The following ELOVL6 variants were observed in gnomAD, a reference collection of about 807,000 sequenced individuals.
ELOVL6 encodes the protein very long chain fatty acid elongase 6.
ELOVL6 carries 8 observed loss-of-function variants against 31.7 expected under a neutral mutation model. The observed-to-expected ratio is 0.25, with a 90% CI of 0.15 to 0.45. The LOEUF (loss-of-function observed/expected upper bound fraction) is 0.45. Among genes scored for constraint, ELOVL6 ranks in the 20% least tolerant of loss-of-function variants. ELOVL6 has a pLI of 1.00. For synonymous variants in ELOVL6, 101 were observed against 117.7 expected, an observed-to-expected ratio of 0.86 and a Z score of 0.92; for missense variants, 126 against 326.4, an observed-to-expected ratio of 0.39 and a Z score of 4.73.
chr4:110,148,839 G>A (rs1394051743), intron 1 of ELOVL6, among the ~76,000 whole-genome samples: 2 of 152,102 alleles, frequency 1.3e-5, no homozygotes, highest in African/African-American at 4.8e-5. Flanking sequence ...GGATGCAGAG[G>A]AAAGTGAACG....
At chr4:110,130,683 G>T (rs1025264288) in intron 1 of ELOVL6, among the ~76,000 whole-genome samples, 1 of 152,124 alleles carries the variant, frequency 6.6e-6, no homozygotes, top group Non-Finnish European at 1.5e-5. Flanking sequence ...TCATCCATCC[G>T]GCCAAGGATT....
At chr4:110,059,048 G>T (rs1755070924) in intron 3 of ELOVL6, among the ~76,000 whole-genome samples, 1 of 152,166 alleles carries the variant, frequency 6.6e-6, no homozygotes, top group Non-Finnish European at 1.5e-5. Context: ...AATACAGCCT[G>T]TATTTTCTAT....
At chr4:110,119,414 C>G (rs1457012269) in intron 1 of ELOVL6, among the ~76,000 whole-genome samples, 1 of 152,188 alleles carries the variant, frequency 6.6e-6, no homozygotes, top group African/African-American at 2.4e-5. Flanking sequence ...TCTTTATTAG[C>G]TACTCACAGG....
intron 2 of ELOVL6, among the ~76,000 whole-genome samples, chr4:110,061,203 C>T (rs531484060): frequency 2.0e-5 from 3 of 152,236 alleles, no homozygotes; most frequent in African/African-American, 4.8e-5. Context: ...TTTATCAGGA[C>T]CGACAAGGCC....
At chr4:110,147,780 GACACACAC>G (rs58644594) in intron 1 of ELOVL6, among the ~76,000 whole-genome samples, 104 of 142,740 alleles carry the variant, frequency 7.3e-4, no homozygotes, top group African/African-American at 1.7e-3. Context: ...GACAGAGCAG[GACACACAC>G]ACACACACAC....
At position 110,051,570 on chromosome 4, in the gene ELOVL6, C is replaced by T. The variant is rs752502980; in HGVS notation, c.566G>A (p.Arg189Gln). ...SYYALRAAGF[R>Q]VSRKFAMFIT... Reference sequence around the variant, plus strand: ...GAACATGGCAAACTTCCGGGAGACTCGGAAACCTGCCGCCCGCAAGGCATA... The same window carrying T: ...GAACATGGCAAACTTCCGGGAGACTTGGAAACCTGCCGCCCGCAAGGCATA... Residue 189 changes from arginine to glutamine, a missense_variant, in exon 4 of 4, where the codon CGA (arginine) becomes CAA (glutamine). Around this residue, in one of 3 missense-constraint regions of ELOVL6, gnomAD observed 57 missense variants for 110.2 expected, o/e 0.52. Coordinates refer to ENST00000302274, the MANE Select transcript of ELOVL6 (RefSeq NM_024090.3). This position sits in a 1 kb window ranked among gnomAD's most constrained non-coding sequence, Gnocchi z 4.8. The T allele has an allele frequency of 2.5e-6, 4 of 1,614,174 alleles. No individual in the cohort carries two copies. The highest frequency in any genetic ancestry group is 1.7e-5 in the Admixed American group (1 of 60,026).
intron 1 of ELOVL6, among the ~76,000 whole-genome samples, chr4:110,143,267 CT>C (rs544867170): frequency 3.9e-4 from 58 of 148,066 alleles, no homozygotes; most frequent in Middle Eastern, 3.5e-3. Context: ...GACTGTAGTG[CT>C]TTTTTTTTTA....
chr4:110,082,320 A>C (rs1472527219), intron 2 of ELOVL6, among the ~76,000 whole-genome samples: 1 of 152,088 alleles, frequency 6.6e-6, no homozygotes, highest in Non-Finnish European at 1.5e-5. Flanking sequence ...CACTATTCAC[A>C]ATAGCAAAGA....
At chr4:110,157,670 CA>C (rs201482289) in intron 1 of ELOVL6, among the ~76,000 whole-genome samples, 165 of 133,420 alleles carry the variant, frequency 1.2e-3, no homozygotes, top group East Asian at 1.3e-3. Flanking sequence ...GGCTCCGTCT[CA>C]AAAAAAAAAA....
chr4:110,181,226 T>G (rs1759262557), intron 1 of ELOVL6, among the ~76,000 whole-genome samples: 2 of 151,994 alleles, frequency 1.3e-5, no homozygotes, highest in African/African-American at 4.8e-5. Context: ...GCGGGTGGAT[T>G]GCTCGACTCC....
chr4:110,152,276 A>G (rs767780823), intron 1 of ELOVL6, among the ~76,000 whole-genome samples: 37 of 152,222 alleles, frequency 2.4e-4, no homozygotes, highest in Non-Finnish European at 3.8e-4. Context: ...AGAATTAACT[A>G]AATACACGAT....
chr4:110,095,057 G>C (rs1001101765), intron 2 of ELOVL6, among the ~76,000 whole-genome samples: 5 of 152,200 alleles, frequency 3.3e-5, no homozygotes, highest in African/African-American at 9.6e-5. Context: ...GTGGAGCTGA[G>C]ATATGGGCTG....
At chr4:110,097,305 C>CAAAAAAAAAAAAAAAAAAAAA (rs33970271) in intron 2 of ELOVL6, among the ~76,000 whole-genome samples, 2 of 88,700 alleles carry the variant, frequency 2.3e-5, no homozygotes, top group Admixed American at 1.3e-4. Flanking sequence ...ACTCCATCTC[C>CAAAAAAAAAAAAAAAAAAAAA]AAAAAAAAAA....
At chr4:110,116,045 A>G (rs887413775) in intron 1 of ELOVL6, among the ~76,000 whole-genome samples, 1 of 152,160 alleles carries the variant, frequency 6.6e-6, no homozygotes, top group Non-Finnish European at 1.5e-5. Context: ...TGTGAATATA[A>G]TGGGCCCACC....
intron 1 of ELOVL6, among the ~76,000 whole-genome samples, chr4:110,195,056 G>C (rs1313982368): frequency 6.6e-6 from 1 of 152,124 alleles, no homozygotes; most frequent in Non-Finnish European, 1.5e-5. Flanking sequence ...GTTTCCTCAA[G>C]TTCCTCTCTC....
chr4:110,185,784 C>T (rs1759419258), intron 1 of ELOVL6, among the ~76,000 whole-genome samples: 1 of 152,130 alleles, frequency 6.6e-6, no homozygotes, highest in African/African-American at 2.4e-5. Context: ...AAGGATAGAA[C>T]TTTCAAGTCA....
intron 2 of ELOVL6, among the ~76,000 whole-genome samples, chr4:110,067,269 C>A (rs754146661): frequency 6.6e-6 from 1 of 152,114 alleles, no homozygotes; most frequent in Non-Finnish European, 1.5e-5. Flanking sequence ...AAATCAGATA[C>A]CTCCATTAGA....
intron 1 of ELOVL6, among the ~76,000 whole-genome samples, chr4:110,189,389 C>A (rs189930878): frequency 6.7e-6 from 1 of 149,506 alleles, no homozygotes; most frequent in Non-Finnish European, 1.5e-5. Flanking sequence ...GAGTTCGAGA[C>A]CAGCCTGGCC....
At chr4:110,117,903 A>AAAATTAT in intron 1 of ELOVL6, 1 of 6,504 alleles carries the variant, frequency 1.5e-4, no homozygotes, top group African/African-American at 3.3e-4. Context: ...AAAAAAAAAA[A>AAAATTAT]ATATATATAT....
Sources: gnomAD v4.1 joint callset for allele counts (sites outside exome capture counted in the v4.1 genomes callset) on GRCh38, gnomAD v4.1.1 for gene constraint, gnomAD v4.1.1 regional missense constraint, Gnocchi (gnomAD v3.1) non-coding constraint, MANE v1.5 for transcripts, NCBI Gene and HGNC (gene_info 2026-07-23, HGNC 2026-07-21) for gene names.